Variants in MOG observed in about 807,000 individuals in gnomAD.
MOG encodes myelin oligodendrocyte glycoprotein.
In MOG, 20 loss-of-function variants were observed where a neutral mutation model predicts 35.9. The observed-to-expected ratio is 0.56, with a 90% CI of 0.39 to 0.81. The LOEUF is 0.81. MOG is among the 30% of genes least tolerant of loss of function. The pLI is 0.00. For missense variants in MOG, 251 were observed against 301.0 expected (o/e 0.83, Z 1.23); for synonymous variants, 92 against 114.3 (o/e 0.80, Z 1.25).
intron 2 of MOG, among the ~76,000 whole-genome samples, chr6:29,660,461 C>T (rs1408010958): frequency 2.8e-5 from 4 of 145,076 alleles, no homozygotes; most frequent in Non-Finnish European, 6.0e-5. Context: ...AACCCGGAAG[C>T]GGAGGTTGCA....
At chr6:29,667,741 C>T (rs938996853) in intron 4 of MOG, 78 bp downstream of exon 4, 20 of 1,575,792 alleles carry the variant, frequency 1.3e-5, no homozygotes, top group Non-Finnish European at 1.7e-5. Context: ...GTTCTTGGAC[C>T]GTCTCTCCCT....
In MOG at chr6:29,662,928, G is replaced by A. The variant is rs1769180452; in HGVS notation, c.437-3224G>A. Among the ~76,000 whole-genome samples the A allele has an allele frequency of 6.6e-6, 1 of 151,962 alleles. No homozygotes were observed. The highest frequency in any genetic ancestry group is 1.5e-5 in the Non-Finnish European group (1 of 68,010). On this transcript the variant is annotated intron_variant, in intron 2 of 7. Coordinates refer to ENST00000376917, the MANE Select transcript of MOG (RefSeq NM_206809.4). This position sits in a 1 kb window ranked among gnomAD's most constrained non-coding sequence, Gnocchi z 4.2. ...TCCTCCCACCTCGGCCTCCCAAAGT[G>A]CTAGAATTACAGGCGCGAGCCACTG...
Position 29,671,423 on chromosome 6 carries a change from C to G in MOG, c.*238C>G. The stretch of plus-strand genomic sequence containing the variant: ...CCTTCTTTCCATTTCTCTCTCCAGT[C>G]TTCCACCTGGAAGCCCTCTCTGGCT... On this transcript the variant is annotated 3_prime_UTR_variant, in exon 8 of 8. Coordinates refer to ENST00000376917, the MANE Select transcript of MOG (RefSeq NM_206809.4). The G allele has an allele frequency of 6.2e-7, 1 of 1,611,572 alleles. No individual in the cohort carries two copies. Among genetic ancestry groups the G allele is most frequent in the Non-Finnish European group, 8.5e-7 (1 of 1,178,770 alleles).
chr6:29,661,458 T>C (rs1768717885), intron 2 of MOG: 20 of 985,268 alleles, frequency 2.0e-5, no homozygotes, highest in Non-Finnish European at 2.4e-5. Context: ...TTTTTCTCCT[T>C]CCTGCTCAAC....
intron 1 of MOG, 23 bp downstream of exon 1, chr6:29,657,320 C>T (rs1402163300): frequency 6.5e-7 from 1 of 1,527,766 alleles, no homozygotes; most frequent in Non-Finnish European, 8.9e-7. Context: ...TTTTTTCCTG[C>T]CCTGGGGAGA....
Position 29,671,936 on chromosome 6 carries a change from TCAA to T in MOG, c.*756_*758del, listed in dbSNP as rs1771543723. 6.0e-6 allele frequency: 1 copy of T among 166,698 alleles called. No homozygotes were observed. Among genetic ancestry groups the T allele is most frequent in the Non-Finnish European group, 1.3e-5 (1 of 76,116 alleles). 10.3% of individuals were successfully genotyped at this position (166,698 alleles called of 1,614,324 possible). ...ATCTATCAGAGTATCCACTGTTTATTCAACAACTACTACTTGATGGTCAGACAC... is the reference window on the plus strand; with the variant it reads ...ATCTATCAGAGTATCCACTGTTTATTCAACTACTACTTGATGGTCAGACAC... On this transcript the variant is annotated 3_prime_UTR_variant, in exon 8 of 8. Transcript: ENST00000376917.
rs749783831 is a variant in MOG, at chr6:29,659,438, C to T, written c.208C>T (p.Arg70Cys). The change falls in exon 2 of 8, where the codon CGC becomes TGC. Residue 70 changes from arginine (R) to cysteine (C), a missense_variant. Transcript: ENST00000376917. ...TACAGGCATGGAGGTGGGGTGGTAC[C>T]GCCCCCCCTTCTCTAGGGTGGTTCA... ...NATGMEVGWY[R>C]PPFSRVVHLY... is the part of the protein sequence containing the mutation. 175 of 1,612,832 alleles carry T rather than the reference C, an allele frequency of 1.1e-4. No homozygotes were observed. The highest frequency in any genetic ancestry group is 1.4e-4 in the Non-Finnish European group (167 of 1,180,012).
chr6:29,670,866 C>A lies in MOG; in HGVS notation c.730+145C>A, dbSNP rs1423275074. ...GAGAGCCTGGGTGGAGGGAAGACTC[C>A]TCCTGGGAGGTAGAGGGCAAAGAAG... On this transcript the variant is annotated intron_variant, in intron 7 of 7. Transcript: ENST00000376917. This position sits in a 1 kb window ranked among gnomAD's most constrained non-coding sequence, Gnocchi z 4.2. The A allele has an allele frequency of 2.5e-6, 4 of 1,582,670 alleles. No homozygotes were observed. In the South Asian group the frequency reaches 4.6e-5, roughly 18 times the overall value.
intron 2 of MOG, among the ~76,000 whole-genome samples, chr6:29,665,646 G>C (rs755502392): frequency 1.5e-4 from 22 of 151,338 alleles, no homozygotes; most frequent in Non-Finnish European, 4.4e-5. Context: ...TTCTCCCTAT[G>C]TTCTCCAGTC....
intron 5 of MOG, among the ~76,000 whole-genome samples, chr6:29,668,356 T>A (rs1770678161): frequency 6.6e-6 from 1 of 152,130 alleles, no homozygotes; most frequent in Admixed American, 6.5e-5. Context: ...ACATGACTAA[T>A]CAGAGAAGAC....
rs1771153540 is a variant in MOG at position 29,670,215 on chromosome 6, A to G, written c.593-66A>G. On this transcript the variant is annotated intron_variant, in intron 5 of 7. Transcript: ENST00000376917. The surrounding 1 kb of genome is among the most constrained non-coding windows in gnomAD (Gnocchi z 4.2). ...AGGACCCCAGGTTAAGGAACCAAAA[A>G]AGACAGGTGGGTGGGGCATGAGGGG... 2 of 1,614,102 alleles carry G rather than the reference A, an allele frequency of 1.2e-6. No individual in the cohort carries two copies. Among genetic ancestry groups the G allele is most frequent in the Admixed American group, 1.7e-5 (1 of 60,002 alleles).
rs373508774 is a variant in MOG at position 29,670,656 on chromosome 6, T to C, written c.710-45T>C. 99 of 1,608,542 alleles carry C rather than the reference T, an allele frequency of 6.2e-5. No individual in the cohort carries two copies. The highest frequency in any genetic ancestry group is 8.0e-5 in the Non-Finnish European group (94 of 1,177,690). ...CATAGGGAGGATGTGGGGAAGGTGC[T>C]ATTCATCTTCCACTAATCACATATT... On this transcript the variant is annotated intron_variant, in intron 6 of 7. Transcript: ENST00000376917. This position sits in a 1 kb window ranked among gnomAD's most constrained non-coding sequence, Gnocchi z 4.2.
At chr6:29,669,805 C>G (rs998557530) in intron 5 of MOG, among the ~76,000 whole-genome samples, 2 of 152,058 alleles carry the variant, frequency 1.3e-5, no homozygotes, top group Non-Finnish European at 2.9e-5. Context: ...GAGTCTTGCT[C>G]TGTGGCCCAG....
At position 29,662,265 on chromosome 6, in the gene MOG, C is replaced by G. The variant is rs1279376051; in HGVS notation, c.436+2599C>G. ...TTGGGAGGCCGAAGCGGGCAGATCA[C>G]CCGAGGTCAGGAGTTCGAGACCAGC... On this transcript the variant is annotated intron_variant, in intron 2 of 7. Transcript: ENST00000376917. This position sits in a 1 kb window ranked among gnomAD's most constrained non-coding sequence, Gnocchi z 4.2. 13 of 772,342 alleles carry G rather than the reference C, an allele frequency of 1.7e-5. No individual in the cohort carries two copies. Among genetic ancestry groups the G allele is most frequent in the Non-Finnish European group, 2.0e-5 (13 of 636,144 alleles). 47.8% of individuals were successfully genotyped at this position (772,342 alleles called of 1,614,324 possible). A position where few individuals can be genotyped will look rare whatever the true frequency, so the allele number is the denominator to read the frequency against.
At position 29,667,843 on chromosome 6, in the gene MOG, C is replaced by T. The variant is rs1039773461; in HGVS notation, c.572-61C>T. ...TTTAAGTAATTAAATAACAAAGACT[C>T]AGGATAAAAGATCCTTTTTGAGTGC... On this transcript the variant is annotated intron_variant, in intron 4 of 7. Transcript: ENST00000376917. The T allele has an allele frequency of 6.9e-6, 11 of 1,594,888 alleles. No individual in the cohort carries two copies. In the African/African-American group the frequency reaches 1.1e-4, roughly 16 times the overall value.
chr6:29,661,423 A>G lies in MOG; in HGVS notation c.436+1757A>G, dbSNP rs1008079530. 3 of 985,286 alleles carry G rather than the reference A, an allele frequency of 3.0e-6. No individual in the cohort carries two copies. In the African/African-American group the frequency reaches 5.2e-5, roughly 17 times the overall value. The allele number at this position is 985,286 out of a possible 1,614,324, so 61.0% of individuals were successfully genotyped here. A position where few individuals can be genotyped will look rare whatever the true frequency, so the allele number is the denominator to read the frequency against. On this transcript the variant is annotated intron_variant, in intron 2 of 7. Transcript: ENST00000376917. ...AATTCTACTTGCCGAAAAGTTTGAT[A>G]GTGAGACCCTCTCCAGTTTGCAGAT... is the stretch of plus-strand genomic sequence containing the variant.
chr6:29,671,488 T>A lies in MOG; in HGVS notation c.*303T>A, dbSNP rs1771449253. The A allele has an allele frequency of 1.5e-6, 2 of 1,344,418 alleles. No individual in the cohort carries two copies. The highest frequency in any genetic ancestry group is 2.3e-5 in the East Asian group (1 of 43,594). 83.3% of individuals were successfully genotyped at this position (1,344,418 alleles called of 1,614,324 possible). A position where few individuals can be genotyped will look rare whatever the true frequency, so the allele number is the denominator to read the frequency against. ...GCCCCTCTCTCCATCAGAGGACACC[T>A]GTACTGGAGAGCAACACAGGATGGT... is the stretch of plus-strand genomic sequence containing the variant. On this transcript the variant is annotated 3_prime_UTR_variant, in exon 8 of 8. Transcript: ENST00000376917.
chr6:29,670,399 T>C lies in MOG; in HGVS notation c.709+2T>C. The C allele has an allele frequency of 6.2e-7, 1 of 1,613,838 alleles. No individual in the cohort carries two copies. Among genetic ancestry groups the C allele is most frequent in the Non-Finnish European group, 8.5e-7 (1 of 1,179,832 alleles). On this transcript the variant is annotated splice_donor_variant, in intron 6 of 7. Coordinates refer to ENST00000376917, the MANE Select transcript of MOG (RefSeq NM_206809.4). LOFTEE classifies it high-confidence loss of function. The surrounding 1 kb of genome is among the most constrained non-coding windows in gnomAD (Gnocchi z 4.2). ...ACTGGCTACATCGAAGACTAGCAGGTGCAGTGGCTGGGCAGCAGGCAAGAC... is the reference window on the plus strand; with the variant it reads ...ACTGGCTACATCGAAGACTAGCAGGCGCAGTGGCTGGGCAGCAGGCAAGAC...
At chr6:29,659,842 TC>T in intron 2 of MOG, 176 bp downstream of exon 2, 1 of 651,250 alleles carries the variant, frequency 1.5e-6, no homozygotes, top group South Asian at 1.8e-5. Context: ...GCATCATTAT[TC>T]AGAGTAGCAA....
Sources: allele counts gnomAD v4.1 joint callset (sites outside exome capture counted in the v4.1 genomes callset), GRCh38; gene constraint gnomAD v4.1.1; non-coding constraint Gnocchi (gnomAD v3.1); transcripts MANE v1.5; gene names NCBI Gene and HGNC (gene_info 2026-07-23, HGNC 2026-07-21).